Variants in PLS1 observed in about 807,000 individuals in gnomAD.
PLS1 encodes plastin-1.
Under a neutral mutation model 73.7 loss-of-function variants are expected in PLS1, and 32 were observed. The observed-to-expected ratio is 0.43, with a 90% CI of 0.33 to 0.58. The LOEUF is 0.58. Among genes scored for constraint, PLS1 ranks in the 20% least tolerant of loss-of-function variants. The probability of loss-of-function intolerance (pLI) is 0.04; values close to 1 mark genes in which losing one functional copy is unlikely to be tolerated. For missense variants in PLS1, 633 were observed against 740.5 expected, an observed-to-expected ratio of 0.85 and a Z score of 1.68; for synonymous variants, 217 against 261.3, an observed-to-expected ratio of 0.83 and a Z score of 1.63.
In PLS1 at chr3:142,711,852, AT is replaced by A; in HGVS notation, c.1755-15del. The A allele has an allele frequency of 6.2e-7, 1 of 1,611,092 alleles. No homozygotes were observed. ...AAAACACAGTGGATAACACCAAGAT[AT>A]TTTTCTTGTCTCTTCAAGATACGCC... On this transcript the variant is annotated intron_variant, in intron 15 of 15. Coordinates refer to ENST00000457734, the MANE Select transcript of PLS1 (RefSeq NM_001145319.2).
chr3:142,627,693 C>G (rs534253504), intron 1 of PLS1: 65 of 152,356 alleles, frequency 4.3e-4, no homozygotes, highest in African/African-American at 1.5e-3. Context: ...TGCAGTGTTG[C>G]TATCAGGGCT....
intron 1 of PLS1, chr3:142,645,689 C>T (rs1192194588): frequency 6.6e-6 from 1 of 152,120 alleles, no homozygotes; most frequent in East Asian, 1.9e-4. Flanking sequence ...AGATATTTGT[C>T]ATTATGGGGA....
intron 12 of PLS1, among the ~76,000 whole-genome samples, chr3:142,702,556 A>G (rs1403862779): frequency 6.6e-6 from 1 of 152,210 alleles, no homozygotes; most frequent in Admixed American, 6.5e-5. Context: ...TGTTTATTCC[A>G]AAAAGTACTT....
chr3:142,704,634 AAT>A, intron 14 of PLS1, 48 bp downstream of exon 14: 1 of 527,374 alleles, frequency 1.9e-6, no homozygotes. Context: ...TATAGGAAGG[AAT>A]TTTTTTTTTT....
intron 1 of PLS1, among the ~76,000 whole-genome samples, chr3:142,639,795 A>G (rs2036789284): frequency 6.6e-6 from 1 of 152,236 alleles, no homozygotes; most frequent in Admixed American, 6.6e-5. Context: ...TGGCTGGATG[A>G]ATAAATGAAT....
In PLS1 at chr3:142,640,924, G is replaced by A. The variant is rs189652603; in HGVS notation, c.-36-23278G>A. 2.2e-4 allele frequency among the ~76,000 whole-genome samples: 34 copies of A among 151,840 alleles called. 1 individual carries two copies. The highest frequency in any genetic ancestry group is 1.2e-3 in the South Asian group (6 of 4,810). On this transcript the variant is annotated intron_variant, in intron 1 of 15. Coordinates refer to ENST00000457734, the MANE Select transcript of PLS1 (RefSeq NM_001145319.2). Reference sequence around the variant, plus strand: ...TGTTATAAAAGTAATATTTGAGCTGGGCCTGGTGACAGCCCATGCCTACAG... The same window carrying A: ...TGTTATAAAAGTAATATTTGAGCTGAGCCTGGTGACAGCCCATGCCTACAG...
chr3:142,704,635 ATTTTTTTTTTTTTTTTTTTTT>A lies in PLS1; in HGVS notation c.1629+59_1629+79del. The A allele has an allele frequency of 4.6e-5, 12 of 260,490 alleles. No homozygotes were observed. The South Asian group carries it at 4.9e-4, about 11-fold the overall frequency. 16.1% of individuals were successfully genotyped at this position (260,490 alleles called of 1,614,324 possible). On this transcript the variant is annotated intron_variant, in intron 14 of 15. Transcript: ENST00000457734. ...TTTTTTTTTGTAGGTATAGGAAGGA[ATTTTTTTTTTTTTTTTTTTTT>A]TTTTTTTTTGGAGATGGAGTCTCGC...
intron 1 of PLS1, among the ~76,000 whole-genome samples, chr3:142,650,818 C>T (rs750786041): frequency 6.6e-6 from 1 of 151,938 alleles, no homozygotes; most frequent in Non-Finnish European, 1.5e-5. Context: ...TTGAATTTTC[C>T]CAGAGAGCCA....
chr3:142,670,720 T>C (rs932005244), intron 3 of PLS1, among the ~76,000 whole-genome samples: 2 of 152,246 alleles, frequency 1.3e-5, no homozygotes, highest in Non-Finnish European at 2.9e-5. Flanking sequence ...AGGTTTTCAG[T>C]ACAAAAGATT....
chr3:142,658,612 A>G (rs937756776), intron 1 of PLS1, among the ~76,000 whole-genome samples: 19 of 152,296 alleles, frequency 1.2e-4, no homozygotes, highest in African/African-American at 4.3e-4. Context: ...CTACATAGGT[A>G]TGGGATCATA....
In PLS1 at chr3:142,640,073, T is replaced by C. The variant is rs530437658; in HGVS notation, c.-36-24129T>C. Among the ~76,000 whole-genome samples, 9 of 152,294 alleles carry C rather than the reference T, an allele frequency of 5.9e-5. No homozygotes were observed. In the South Asian group the frequency reaches 1.2e-3, roughly 21 times the overall value. On this transcript the variant is annotated intron_variant, in intron 1 of 15. Coordinates refer to ENST00000457734, the MANE Select transcript of PLS1 (RefSeq NM_001145319.2). ...GGAGAATTTTATACAATAGAGGAAA[T>C]AAGTGTGATTACATACATGGCATGT...
intron 1 of PLS1, among the ~76,000 whole-genome samples, chr3:142,639,394 A>C (rs1366928656): frequency 6.6e-6 from 1 of 152,004 alleles, no homozygotes; most frequent in Non-Finnish European, 1.5e-5. Context: ...CTTCAAATCC[A>C]CTTGGTTTTA....
At chr3:142,616,856 C>A (rs2036224928) in intron 1 of PLS1, among the ~76,000 whole-genome samples, 1 of 152,190 alleles carries the variant, frequency 6.6e-6, no homozygotes, top group Non-Finnish European at 1.5e-5. Context: ...TCAGCCCAGG[C>A]CTCCCAAGGT....
chr3:142,673,203 T>A (rs2037644879), intron 4 of PLS1, among the ~76,000 whole-genome samples: 1 of 152,104 alleles, frequency 6.6e-6, no homozygotes, highest in African/African-American at 2.4e-5. Flanking sequence ...TGTACCACCA[T>A]GCCCAGCTAA....
intron 10 of PLS1, among the ~76,000 whole-genome samples, chr3:142,691,868 C>T (rs756151393): frequency 1.8e-4 from 27 of 152,218 alleles, no homozygotes; most frequent in South Asian, 6.2e-4. Context: ...AAATATTAAA[C>T]GCTCACATCA....
In PLS1 at chr3:142,614,365, T is replaced by C. The variant is rs939440069; in HGVS notation, c.-37+17856T>C. The stretch of plus-strand genomic sequence containing the variant: ...GAAGGGGGTGGTCATTCAGGTATGC[T>C]CTGTGGAAGAAGGCAGTGAAAGAAT... On this transcript the variant is annotated intron_variant, in intron 1 of 15. Transcript: ENST00000457734. Among the ~76,000 whole-genome samples the C allele has an allele frequency of 2.7e-5, 4 of 150,370 alleles. No homozygotes were observed. In the East Asian group the frequency reaches 8.0e-4, roughly 30 times the overall value.
At position 142,624,029 on chromosome 3, in the gene PLS1, A is replaced by G. The variant is rs144987582; in HGVS notation, c.-37+27520A>G. The stretch of plus-strand genomic sequence containing the variant: ...CTGATGGAAACAGCTCTTCCAGTCT[A>G]TAGTTTAATTGTGGATAAGCAAAAC... On this transcript the variant is annotated intron_variant, in intron 1 of 15. Coordinates refer to ENST00000457734, the MANE Select transcript of PLS1 (RefSeq NM_001145319.2). 5.1e-4 allele frequency among the ~76,000 whole-genome samples: 78 copies of G among 152,262 alleles called. No homozygotes were observed. In the East Asian group the frequency reaches 0.014, roughly 28 times the overall value.
chr3:142,640,250 A>G (rs909600421), intron 1 of PLS1, among the ~76,000 whole-genome samples: 1 of 152,180 alleles, frequency 6.6e-6, no homozygotes, highest in African/African-American at 2.4e-5. Context: ...AACTAAGAAG[A>G]TGATTTTCTT....
intron 1 of PLS1, among the ~76,000 whole-genome samples, chr3:142,640,145 A>G (rs2108610059): frequency 6.6e-6 from 1 of 152,340 alleles, no homozygotes; most frequent in African/African-American, 2.4e-5. Context: ...AAATCCTGCT[A>G]ATATTATTTG....
Sources: gnomAD v4.1 joint callset for allele counts (sites outside exome capture counted in the v4.1 genomes callset) on GRCh38, gnomAD v4.1.1 for gene constraint, MANE v1.5 for transcripts, NCBI Gene and HGNC (gene_info 2026-07-23, HGNC 2026-07-21) for gene names.